Variants in LSM12 observed in about 807,000 individuals in gnomAD.
LSM12 encodes the protein LSM12 homolog, also known as protein LSM12.
For synonymous variants in LSM12, 74 were observed against 87.3 expected, an observed-to-expected ratio of 0.85 and a Z score of 0.85; for missense variants, 108 against 238.9, an observed-to-expected ratio of 0.45 and a Z score of 3.61.
At chr17:44,036,705 G>C (rs1597880759) in intron 4 of LSM12, among the ~76,000 whole-genome samples, 2 of 152,084 alleles carry the variant, frequency 1.3e-5, no homozygotes, top group African/African-American at 2.4e-5. Flanking sequence ...AAAAAAGCAG[G>C]AGTGTTTTTT....
rs1169234397 is a variant in LSM12 at position 44,036,319 on chromosome 17, C to T, written c.496-19G>A. The T allele has an allele frequency of 6.2e-7, 1 of 1,614,004 alleles. No individual in the cohort carries two copies. Among genetic ancestry groups the T allele is most frequent in the African/African-American group, 1.3e-5 (1 of 75,020 alleles). On this transcript the variant is annotated intron_variant, in intron 4 of 4. Transcript: ENST00000293406. ...TTTCAACCTGAAAAAGACCAGGCAA[C>T]CCAGGTCAACAAAGGAGATGCGGAA...
chr17:44,061,474 T>C (rs1349319346), intron 2 of LSM12, among the ~76,000 whole-genome samples: 17 of 152,168 alleles, frequency 1.1e-4, no homozygotes, highest in East Asian at 7.7e-4. Flanking sequence ...GAATGGGACA[T>C]CCCATACAAG....
At chr17:44,052,957 A>G (rs1289521163) in intron 2 of LSM12, among the ~76,000 whole-genome samples, 3 of 152,106 alleles carry the variant, frequency 2.0e-5, no homozygotes, top group Admixed American at 1.3e-4. Context: ...CTGTTCTTTA[A>G]TAGTATCTTC....
intron 4 of LSM12, among the ~76,000 whole-genome samples, chr17:44,036,573 G>A (rs980148690): frequency 6.6e-6 from 1 of 152,068 alleles, no homozygotes; most frequent in Admixed American, 6.6e-5. Flanking sequence ...AGATTATCAT[G>A]ACCTAAACTC....
At chr17:44,059,696 C>T (rs2049769999) in intron 2 of LSM12, among the ~76,000 whole-genome samples, 1 of 152,172 alleles carries the variant, frequency 6.6e-6, no homozygotes, top group South Asian at 2.1e-4. Context: ...CAAGAAGTTG[C>T]TAGTTTATAC....
chr17:44,056,566 G>A (rs1010814534), intron 2 of LSM12, among the ~76,000 whole-genome samples: 15 of 151,958 alleles, frequency 9.9e-5, no homozygotes, highest in African/African-American at 2.2e-4. Context: ...GATGGCGTGT[G>A]CCTGTGGTCC....
intron 2 of LSM12, among the ~76,000 whole-genome samples, chr17:44,040,530 T>C (rs1267051509): frequency 6.6e-6 from 1 of 151,914 alleles, no homozygotes; most frequent in Non-Finnish European, 1.5e-5. Flanking sequence ...TAGCCTGAAG[T>C]GGGTGGGGGA....
At chr17:44,037,853 G>C (rs2049435305) in intron 3 of LSM12, among the ~76,000 whole-genome samples, 1 of 152,224 alleles carries the variant, frequency 6.6e-6, no homozygotes, top group Admixed American at 6.5e-5. Flanking sequence ...GCCTAGGGCA[G>C]AGGCTGGCAA....
intron 2 of LSM12, among the ~76,000 whole-genome samples, chr17:44,048,819 G>A (rs1344731715): frequency 2.0e-5 from 3 of 152,060 alleles, no homozygotes; most frequent in Admixed American, 2.0e-4. Context: ...TTCCTCCTGT[G>A]CCCGTTTTAT....
At chr17:44,053,914 A>T (rs1252706276) in intron 2 of LSM12, among the ~76,000 whole-genome samples, 2 of 152,048 alleles carry the variant, frequency 1.3e-5, no homozygotes, top group Non-Finnish European at 1.5e-5. Context: ...TTTTAGTTAG[A>T]ATACTGTTCT....
intron 2 of LSM12, among the ~76,000 whole-genome samples, chr17:44,050,767 C>T (rs1033555192): frequency 1.3e-5 from 2 of 151,630 alleles, no homozygotes; most frequent in East Asian, 2.0e-4. Flanking sequence ...GTGATCTGCC[C>T]GCTTCAGCCT....
At chr17:44,064,312 G>C (rs1354917871) in intron 1 of LSM12, among the ~76,000 whole-genome samples, 1 of 152,186 alleles carries the variant, frequency 6.6e-6, no homozygotes. Flanking sequence ...TTCCCATTTT[G>C]CAGAGGAGAA....
intron 2 of LSM12, among the ~76,000 whole-genome samples, chr17:44,048,056 C>T (rs536765297): frequency 2.1e-5 from 3 of 145,106 alleles, no homozygotes; most frequent in South Asian, 4.3e-4. Context: ...CACACACACA[C>T]ACACACACGC....
At chr17:44,060,724 T>A (rs776232304) in intron 2 of LSM12, among the ~76,000 whole-genome samples, 1 of 152,158 alleles carries the variant, frequency 6.6e-6, no homozygotes, top group Non-Finnish European at 1.5e-5. Context: ...TTTACAACAA[T>A]GCTAGTAAAC....
intron 2 of LSM12, among the ~76,000 whole-genome samples, chr17:44,052,405 G>A (rs1215291053): frequency 6.6e-6 from 1 of 152,014 alleles, no homozygotes; most frequent in Non-Finnish European, 1.5e-5. Context: ...GATCGCTTGA[G>A]CCCAGGATGT....
At chr17:44,050,506 G>C (rs992022927) in intron 2 of LSM12, among the ~76,000 whole-genome samples, 1 of 150,114 alleles carries the variant, frequency 6.7e-6, no homozygotes, top group Non-Finnish European at 1.5e-5. Flanking sequence ...CTGAAAGCTT[G>C]TGCCTGAACA....
At chr17:44,045,519 A>G (rs2049551414) in intron 2 of LSM12, among the ~76,000 whole-genome samples, 1 of 152,144 alleles carries the variant, frequency 6.6e-6, no homozygotes, top group Admixed American at 6.6e-5. Context: ...CCTTTTATAT[A>G]TTCATTCACT....
intron 2 of LSM12, among the ~76,000 whole-genome samples, chr17:44,051,133 G>A: frequency 6.6e-6 from 1 of 151,994 alleles, no homozygotes; most frequent in East Asian, 1.9e-4. Flanking sequence ...TTGGCTGGGA[G>A]TGGTGGCTCA....
chr17:44,057,278 T>C (rs536060053), intron 2 of LSM12, among the ~76,000 whole-genome samples: 5 of 150,252 alleles, frequency 3.3e-5, no homozygotes, highest in Admixed American at 3.3e-4. Flanking sequence ...GCCTCCCAAG[T>C]AGCTGGGACT....
Sources: gnomAD v4.1 joint callset for allele counts (sites outside exome capture counted in the v4.1 genomes callset) on GRCh38, gnomAD v4.1.1 for gene constraint, MANE v1.5 for transcripts, NCBI Gene and HGNC (gene_info 2026-07-23, HGNC 2026-07-21) for gene names.